Variants in SLC25A13 observed in about 807,000 individuals in gnomAD.
SLC25A13 encodes electrogenic aspartate/glutamate antiporter SLC25A13, mitochondrial.
A neutral mutation model predicts 85.5 loss-of-function variants in SLC25A13; 70 were observed. The observed-to-expected ratio is 0.82, with a 90% CI of 0.68 to 1.00. SLC25A13 has a LOEUF of 1.00. Among genes scored for constraint, SLC25A13 ranks in the 50% least tolerant of loss-of-function variants. The pLI is 0.00. For missense variants in SLC25A13, 765 were observed against 819.8 expected (o/e 0.93, Z 0.82); for synonymous variants, 259 against 288.7 (o/e 0.90, Z 1.04).
chr7:96,246,936 T>C (rs1159224960), intron 3 of SLC25A13, among the ~76,000 whole-genome samples: 1 of 152,236 alleles, frequency 6.6e-6, no homozygotes, highest in Non-Finnish European at 1.5e-5. Flanking sequence ...ATTTTCTTCT[T>C]ATTGTATTTT....
intron 4 of SLC25A13, among the ~76,000 whole-genome samples, chr7:96,225,213 A>G (rs1363862093): frequency 6.6e-6 from 1 of 151,834 alleles, no homozygotes. Context: ...CCTTCCTCTC[A>G]CCCATGGCCA....
At chr7:96,231,555 T>C (rs1354765955) in intron 4 of SLC25A13, among the ~76,000 whole-genome samples, 1 of 152,000 alleles carries the variant, frequency 6.6e-6, no homozygotes, top group African/African-American at 2.4e-5. Flanking sequence ...TAAAACCACG[T>C]CTCTACTAAA....
chr7:96,160,160 C>G (rs1169063407), intron 13 of SLC25A13, among the ~76,000 whole-genome samples: 1 of 152,156 alleles, frequency 6.6e-6, no homozygotes, highest in East Asian at 1.9e-4. Flanking sequence ...TCAGATTTTC[C>G]TATCGTAACA....
intron 3 of SLC25A13, among the ~76,000 whole-genome samples, chr7:96,263,024 A>AG (rs1186549201): frequency 4.4e-4 from 17 of 38,208 alleles, no homozygotes; most frequent in African/African-American, 1.2e-3. Context: ...CCAACCATCT[A>AG]GGAAAAAAAA....
chr7:96,270,040 A>G (rs935569048), intron 3 of SLC25A13, among the ~76,000 whole-genome samples: 1 of 152,222 alleles, frequency 6.6e-6, no homozygotes, highest in Non-Finnish European at 1.5e-5. Context: ...AGTAAGCTCA[A>G]GAGACCTATT....
At chr7:96,272,487 A>C (rs1447591954) in intron 3 of SLC25A13, among the ~76,000 whole-genome samples, 1 of 152,202 alleles carries the variant, frequency 6.6e-6, no homozygotes, top group Non-Finnish European at 1.5e-5. Flanking sequence ...TTTGTTCCTA[A>C]GCACCATTCC....
intron 11 of SLC25A13, among the ~76,000 whole-genome samples, chr7:96,178,037 C>G (rs774716430): frequency 2.0e-5 from 3 of 152,172 alleles, no homozygotes; most frequent in Non-Finnish European, 2.9e-5. Context: ...TTGTACACAA[C>G]AAAGGGATGG....
chr7:96,240,919 C>A (rs949813017), intron 3 of SLC25A13, among the ~76,000 whole-genome samples: 1 of 126,874 alleles, frequency 7.9e-6, no homozygotes, highest in South Asian at 2.7e-4. Context: ...GGGAAGAGAC[C>A]AGAGTTGAGG....
intron 4 of SLC25A13, 24 bp downstream of exon 4, chr7:96,234,778 C>A (rs200983190): frequency 1.3e-6 from 2 of 1,547,216 alleles, no homozygotes; most frequent in Non-Finnish European, 1.8e-6. Context: ...CTTACACAGA[C>A]GTGCACAGAA....
chr7:96,233,699 G>A (rs1275850890), intron 4 of SLC25A13, among the ~76,000 whole-genome samples: 2 of 152,188 alleles, frequency 1.3e-5, no homozygotes, highest in Non-Finnish European at 2.9e-5. Flanking sequence ...TTGGCTCAGA[G>A]ACAACAGCAG....
At chr7:96,312,414 T>C (rs897123932) in intron 1 of SLC25A13, among the ~76,000 whole-genome samples, 6 of 152,240 alleles carry the variant, frequency 3.9e-5, no homozygotes, top group Non-Finnish European at 8.8e-5. Flanking sequence ...ATTATTATTA[T>C]TATTTGCATA....
chr7:96,148,280 C>G (rs986145122), intron 13 of SLC25A13, among the ~76,000 whole-genome samples: 1 of 152,174 alleles, frequency 6.6e-6, no homozygotes, highest in African/African-American at 2.4e-5. Flanking sequence ...CTGGTGCATT[C>G]TGGTCCACAC....
At chr7:96,232,401 A>G (rs1159136470) in intron 4 of SLC25A13, among the ~76,000 whole-genome samples, 1 of 152,192 alleles carries the variant, frequency 6.6e-6, no homozygotes, top group Non-Finnish European at 1.5e-5. Flanking sequence ...ACACAAGGAC[A>G]CAGAGAGGAA....
intron 15 of SLC25A13, among the ~76,000 whole-genome samples, chr7:96,123,679 A>G (rs1397612490): frequency 6.6e-6 from 1 of 152,140 alleles, no homozygotes; most frequent in African/African-American, 2.4e-5. Context: ...GTATCTGGTA[A>G]GGCCTAAAAG....
Position 96,316,066 on chromosome 7 carries a change from G to A in SLC25A13, c.15+5876C>T, listed in dbSNP as rs75124590. On this transcript the variant is annotated intron_variant, in intron 1 of 17. Transcript: ENST00000265631. Reference sequence around the variant, plus strand: ...TTGTATCCACGAGGTCTAGGCTAGAGTGAGCAATAATCACACCACTGCACT... The same window carrying A: ...TTGTATCCACGAGGTCTAGGCTAGAATGAGCAATAATCACACCACTGCACT... 3.7e-4 allele frequency among the ~76,000 whole-genome samples: 56 copies of A among 152,214 alleles called. 1 individual carries two copies. The East Asian group carries it at 0.01, about 28-fold the overall frequency.
intron 15 of SLC25A13, among the ~76,000 whole-genome samples, chr7:96,131,320 T>C (rs1042359265): frequency 3.9e-5 from 6 of 152,236 alleles, no homozygotes; most frequent in Admixed American, 1.3e-4. Flanking sequence ...TTCTACTACA[T>C]TTCTTTTCTC....
chr7:96,148,437 A>T (rs1792892476), intron 13 of SLC25A13, among the ~76,000 whole-genome samples: 1 of 152,170 alleles, frequency 6.6e-6, no homozygotes, highest in East Asian at 1.9e-4. Flanking sequence ...TACATTTCCC[A>T]TGTGATATGG....
At chr7:96,161,862 T>C (rs1022450553) in intron 13 of SLC25A13, among the ~76,000 whole-genome samples, 1 of 152,112 alleles carries the variant, frequency 6.6e-6, no homozygotes, top group Non-Finnish European at 1.5e-5. Context: ...ACAATAACAA[T>C]AATAACATTT....
At chr7:96,321,409 G>A (rs1309343058) in intron 1 of SLC25A13, among the ~76,000 whole-genome samples, 1 of 152,208 alleles carries the variant, frequency 6.6e-6, no homozygotes, top group Non-Finnish European at 1.5e-5. Flanking sequence ...TATTCACAAA[G>A]GCGCAGACCA....
Sources: allele counts gnomAD v4.1 joint callset (sites outside exome capture counted in the v4.1 genomes callset), GRCh38; gene constraint gnomAD v4.1.1; transcripts MANE v1.5; gene names NCBI Gene and HGNC (gene_info 2026-07-23, HGNC 2026-07-21).